L3MBTL4: variants seen among roughly 807,000 people sequenced by gnomAD.
L3MBTL4 encodes the protein lethal(3)malignant brain tumor-like protein 4.
In L3MBTL4, 70 loss-of-function variants were observed where a neutral mutation model predicts 84.5. That is an observed-to-expected ratio of 0.83 (90% CI 0.68 to 1.01). The LOEUF (loss-of-function observed/expected upper bound fraction) is 1.01, where lower values mean the gene tolerates loss of function less well. Among genes scored for constraint, L3MBTL4 ranks in the 50% least tolerant of loss-of-function variants. The probability of loss-of-function intolerance (pLI) is 0.00; values close to 1 mark genes in which losing one functional copy is unlikely to be tolerated. For synonymous variants in L3MBTL4, 274 were observed against 259.8 expected (o/e 1.05, Z -0.52); for missense variants, 715 against 754.8 (o/e 0.95, Z 0.62).
chr18:6,147,436 A>G (rs190536295), intron 13 of L3MBTL4, among the ~76,000 whole-genome samples: 1 of 152,304 alleles, frequency 6.6e-6, no homozygotes, highest in Non-Finnish European at 1.5e-5. Flanking sequence ...TCAGGACATC[A>G]TATTTCATAA....
intron 16 of L3MBTL4, among the ~76,000 whole-genome samples, chr18:6,015,338 T>C (rs1330657807): frequency 2.6e-5 from 4 of 151,906 alleles, no homozygotes; most frequent in African/African-American, 7.3e-5. Context: ...CAGAAGGACA[T>C]GGTGTTTGAG....
At chr18:6,183,871 G>A (rs2044598632) in intron 12 of L3MBTL4, among the ~76,000 whole-genome samples, 1 of 152,050 alleles carries the variant, frequency 6.6e-6, no homozygotes, top group South Asian at 2.1e-4. Context: ...TAAGCCAATA[G>A]CAAAGGGGAA....
intron 14 of L3MBTL4, among the ~76,000 whole-genome samples, chr18:6,102,327 A>G (rs531151726): frequency 1.1e-4 from 16 of 152,262 alleles, no homozygotes; most frequent in African/African-American, 3.9e-4. Flanking sequence ...CCATATCTCA[A>G]TCAGTGCAGA....
Position 6,244,553 on chromosome 18 carries a change from C to T in L3MBTL4, c.255G>A (p.Gln85=), listed in dbSNP as rs2047579406. The change falls in exon 6 of 19, where the codon CAG becomes CAA. Residue 85 remains glutamine, a synonymous_variant. Coordinates refer to ENST00000317931, the MANE Select transcript of L3MBTL4 (RefSeq NM_001330559.2). ...CAATGCCTTCTAATCTCATTCCAAT[C>T]TGAAAACCATTTTCATGCTCTGGAA... ...QSFPEHENGF[Q]IGMRLEGIDP... 2 of 1,613,856 alleles carry T rather than the reference C, an allele frequency of 1.2e-6. No individual in the cohort carries two copies. Among genetic ancestry groups the T allele is most frequent in the Non-Finnish European group, 1.7e-6 (2 of 1,179,766 alleles).
chr18:5,977,803 C>G (rs557794003), intron 16 of L3MBTL4, among the ~76,000 whole-genome samples: 1 of 152,174 alleles, frequency 6.6e-6, no homozygotes, highest in East Asian at 1.9e-4. Flanking sequence ...GGCTGGGGCA[C>G]AGACTCCTTG....
rs115041611 is a variant in L3MBTL4 at position 6,155,355 on chromosome 18, G to C, written c.1096+16473C>G. Among the ~76,000 whole-genome samples the C allele has an allele frequency of 5.5e-3, 840 of 152,246 alleles. 6 individuals carry two copies. Among genetic ancestry groups the C allele is most frequent in the African/African-American group, 0.02 (811 of 41,546 alleles). The stretch of plus-strand genomic sequence containing the variant: ...AGACTGCACTGCCAGAAATCTAGAG[G>C]GTCACTTCAAACATAGTAGGGCGAG... On this transcript the variant is annotated intron_variant, in intron 13 of 18. Transcript: ENST00000317931.
chr18:5,997,395 C>A lies in L3MBTL4; in HGVS notation c.1445-27833G>T, dbSNP rs530886192. On this transcript the variant is annotated intron_variant, in intron 16 of 18. Coordinates refer to ENST00000317931, the MANE Select transcript of L3MBTL4 (RefSeq NM_001330559.2). ...CCTTGTGGACAAAGGACAGACAGAA[C>A]TCAAAGTCATCCCAGTGGGCCTCAC... 4.2e-4 allele frequency among the ~76,000 whole-genome samples: 59 copies of A among 142,046 alleles called. 1 individual carries two copies. The Middle Eastern group carries it at 0.01, about 25-fold the overall frequency. 93.2% of individuals were successfully genotyped at this position (142,046 alleles called of 152,430 possible).
At chr18:6,254,227 C>A (rs1414586794) in intron 5 of L3MBTL4, among the ~76,000 whole-genome samples, 1 of 152,066 alleles carries the variant, frequency 6.6e-6, no homozygotes. Flanking sequence ...GACCCAAAAA[C>A]AGATTAAGAG....
intron 12 of L3MBTL4, among the ~76,000 whole-genome samples, chr18:6,177,476 C>A (rs1427025703): frequency 6.6e-6 from 1 of 152,150 alleles, no homozygotes; most frequent in Non-Finnish European, 1.5e-5. Flanking sequence ...AGAAGGAGCA[C>A]AAAGGAAGCT....
At chr18:6,389,687 G>T (rs28850655) in intron 1 of L3MBTL4, among the ~76,000 whole-genome samples, 3,714 of 152,172 alleles carry the variant, frequency 0.024, 159 homozygotes, top group African/African-American at 0.084. Context: ...TAAAGCAATA[G>T]CAGTTAAAAA....
chr18:6,296,032 C>T (rs2050096027), intron 4 of L3MBTL4, among the ~76,000 whole-genome samples: 1 of 152,126 alleles, frequency 6.6e-6, no homozygotes, highest in South Asian at 2.1e-4. Flanking sequence ...AAGGAATTAC[C>T]TCAGTGGGAA....
At chr18:5,984,200 C>A (rs564428332) in intron 16 of L3MBTL4, among the ~76,000 whole-genome samples, 3 of 152,218 alleles carry the variant, frequency 2.0e-5, no homozygotes, top group Non-Finnish European at 4.4e-5. Context: ...GCATGAGCCA[C>A]CGCACCCTGC....
At chr18:6,322,514 A>AGGAAGG (rs2051476908) in intron 1 of L3MBTL4, among the ~76,000 whole-genome samples, 1 of 132,702 alleles carries the variant, frequency 7.5e-6, no homozygotes, top group Non-Finnish European at 1.7e-5. Context: ...AAGAAGGAAA[A>AGGAAGG]AAAAAACAAA....
chr18:6,244,454 T>G, intron 6 of L3MBTL4, 30 bp downstream of exon 6: 12 of 1,363,314 alleles, frequency 8.8e-6, no homozygotes, highest in South Asian at 1.3e-5. Flanking sequence ...CACTAGGCAA[T>G]TAGCCCAAGA....
chr18:6,071,805 AAGAAAGAAAG>A (rs1568067065), intron 16 of L3MBTL4, among the ~76,000 whole-genome samples: 3 of 119,916 alleles, frequency 2.5e-5, no homozygotes, highest in East Asian at 4.2e-4. Flanking sequence ...AAGAAAGAAA[AAGAAAGAAAG>A]GAAAGAAAGA....
At position 6,051,073 on chromosome 18, in the gene L3MBTL4, C is replaced by A. The variant is rs140449671; in HGVS notation, c.1444+29808G>T. ...TGAGGGAGGCACATCCCGCAGAACTCCTTTTGCTAGTATTCCACACTGTGT... is the reference window on the plus strand; with the variant it reads ...TGAGGGAGGCACATCCCGCAGAACTACTTTTGCTAGTATTCCACACTGTGT... On this transcript the variant is annotated intron_variant, in intron 16 of 18. Transcript: ENST00000317931. Among the ~76,000 whole-genome samples, 345 of 152,252 alleles carry A rather than the reference C, an allele frequency of 2.3e-3. 1 individual carries two copies. Among genetic ancestry groups the A allele is most frequent in the African/African-American group, 7.7e-3 (322 of 41,552 alleles).
chr18:5,981,074 T>G (rs539319005), intron 16 of L3MBTL4, among the ~76,000 whole-genome samples: 2 of 152,278 alleles, frequency 1.3e-5, no homozygotes, highest in South Asian at 4.2e-4. Flanking sequence ...TTCTCTCTGT[T>G]CACACAAATC....
intron 12 of L3MBTL4, among the ~76,000 whole-genome samples, chr18:6,196,384 C>T (rs2045395613): frequency 6.6e-6 from 1 of 152,242 alleles, no homozygotes; most frequent in Middle Eastern, 3.4e-3. Context: ...GTCTTGATCT[C>T]CTGACCTCAT....
intron 10 of L3MBTL4, among the ~76,000 whole-genome samples, chr18:6,233,921 A>T (rs528677833): frequency 1.3e-5 from 2 of 152,320 alleles, no homozygotes; most frequent in South Asian, 4.1e-4. Flanking sequence ...AAACTATACT[A>T]CAAGACTACA....
Sources: gnomAD v4.1 joint callset for allele counts (sites outside exome capture counted in the v4.1 genomes callset) on GRCh38, gnomAD v4.1.1 for gene constraint, MANE v1.5 for transcripts, NCBI Gene and HGNC (gene_info 2026-07-23, HGNC 2026-07-21) for gene names.